Variants in ARFGAP3 observed in about 807,000 individuals in gnomAD.
The protein encoded by ARFGAP3 is ADP-ribosylation factor GTPase-activating protein 3.
In ARFGAP3, 72 loss-of-function variants were observed where a neutral mutation model predicts 75.0. The ratio of observed to expected loss-of-function variants is 0.96; its 90% CI spans 0.79 to 1.17. The LOEUF is 1.17. Ranked by LOEUF, ARFGAP3 falls within the 50% of genes most tolerant of loss-of-function variation. ARFGAP3 has a pLI of 0.00. For missense variants in ARFGAP3, 620 were observed against 626.6 expected (o/e 0.99, Z 0.11); for synonymous variants, 221 against 217.9 (o/e 1.01, Z -0.13).
At chr22:42,842,771 G>A (rs909373736) in intron 2 of ARFGAP3, among the ~76,000 whole-genome samples, 10 of 151,808 alleles carry the variant, frequency 6.6e-5, no homozygotes, top group African/African-American at 1.9e-4. Flanking sequence ...TTTCCCAGCC[G>A]CCCTTTGTTT....
chr22:42,844,597 A>T (rs894702366), intron 2 of ARFGAP3, among the ~76,000 whole-genome samples: 12 of 104,980 alleles, frequency 1.1e-4, no homozygotes, highest in East Asian at 1.1e-3. Context: ...AGGAAAAAAA[A>T]AAAAAAAAAA....
At chr22:42,849,168 A>C (rs544421887) in intron 1 of ARFGAP3, among the ~76,000 whole-genome samples, 1 of 152,348 alleles carries the variant, frequency 6.6e-6, no homozygotes, top group African/African-American at 2.4e-5. Flanking sequence ...CTGCAGCCTC[A>C]TGAAAGACCC....
At position 42,839,597 on chromosome 22, in the gene ARFGAP3, C is replaced by CAAAA. The variant is rs61512605; in HGVS notation, c.261+1343_261+1346dup. 6.9e-3 allele frequency among the ~76,000 whole-genome samples: 777 copies of CAAAA among 112,332 alleles called. 9 individuals are homozygous for CAAAA. The highest frequency in any genetic ancestry group is 0.029 in the Middle Eastern group (6 of 204). 73.7% of individuals were successfully genotyped at this position (112,332 alleles called of 152,430 possible). ...TGGGCAACAGAGCCAAACTCTGTCT[C>CAAAA]AAAAAAAAAAAAAAAAGAATGGGTT... On this transcript the variant is annotated intron_variant, in intron 3 of 15. Coordinates refer to ENST00000263245, the MANE Select transcript of ARFGAP3 (RefSeq NM_014570.5).
At chr22:42,828,008 C>T (rs1305886321) in intron 6 of ARFGAP3, among the ~76,000 whole-genome samples, 1 of 152,080 alleles carries the variant, frequency 6.6e-6, no homozygotes, top group African/African-American at 2.4e-5. Flanking sequence ...GTAGGCTGGG[C>T]TTGTGGTGGC....
chr22:42,840,914 A>G, intron 3 of ARFGAP3, 30 bp downstream of exon 3: 1 of 1,608,600 alleles, frequency 6.2e-7, no homozygotes, highest in East Asian at 2.2e-5. Flanking sequence ...TTAAACAAGA[A>G]GGAAAATGAC....
chr22:42,841,546 G>A (rs557138916), intron 2 of ARFGAP3, among the ~76,000 whole-genome samples: 4 of 152,226 alleles, frequency 2.6e-5, no homozygotes, highest in African/African-American at 7.2e-5. Flanking sequence ...CACACCTTAT[G>A]CCTAACTTCT....
chr22:42,803,517 T>C (rs900733930), intron 14 of ARFGAP3, among the ~76,000 whole-genome samples: 2 of 152,194 alleles, frequency 1.3e-5, no homozygotes, highest in African/African-American at 4.8e-5. Flanking sequence ...AGGGGGCAGC[T>C]GGGTTTTAAG....
intron 14 of ARFGAP3, among the ~76,000 whole-genome samples, chr22:42,804,214 C>T (rs2413723): frequency 0.45 from 68,118 of 150,670 alleles, 15,847 homozygotes; most frequent in Non-Finnish European, 0.48. Context: ...TTTCTTTTTT[C>T]CTTTTCTTTT....
intron 5 of ARFGAP3, among the ~76,000 whole-genome samples, chr22:42,832,249 T>C (rs923631028): frequency 6.6e-6 from 1 of 151,408 alleles, no homozygotes; most frequent in Admixed American, 6.6e-5. Flanking sequence ...AGGAATAAGC[T>C]GGGCACAGTG....
In ARFGAP3 at chr22:42,847,623, C is replaced by A; in HGVS notation, c.79G>T (p.Asp27Tyr). 6.2e-7 allele frequency: 1 copy of A among 1,610,370 alleles called. No homozygotes were observed. Among genetic ancestry groups the A allele is most frequent in the South Asian group, 1.1e-5 (1 of 90,462 alleles). ...RSVPTNKVCF[D>Y]CGAKNPSWAS... ...CAGCTGGGATTTTTGGCACCACAAT[C>A]AAAACACACCTGAAAAAAAATGTTA... Residue 27 changes from aspartate (D) to tyrosine (Y), a missense_variant, in exon 2 of 16, where the codon GAT becomes TAT. Asp to Tyr is a radical substitution (Grantham distance 160). Transcript: ENST00000263245.
intron 14 of ARFGAP3, among the ~76,000 whole-genome samples, chr22:42,800,551 T>C (rs1481049522): frequency 6.6e-6 from 1 of 152,082 alleles, no homozygotes; most frequent in Non-Finnish European, 1.5e-5. Context: ...ACAGAAAGCC[T>C]TGGTCAAGTC....
chr22:42,842,812 T>C (rs1267655406), intron 2 of ARFGAP3, among the ~76,000 whole-genome samples: 1 of 152,082 alleles, frequency 6.6e-6, no homozygotes, highest in Admixed American at 6.6e-5. Context: ...TATAAGGTCA[T>C]AAAAAGCGTT....
intron 14 of ARFGAP3, among the ~76,000 whole-genome samples, chr22:42,804,262 G>A (rs1470338565): frequency 6.6e-6 from 1 of 151,828 alleles, no homozygotes; most frequent in East Asian, 1.9e-4. Context: ...CCAGGCTGGA[G>A]TGTAATGGTG....
At chr22:42,808,555 G>A (rs1001302156) in intron 13 of ARFGAP3, among the ~76,000 whole-genome samples, 3 of 152,176 alleles carry the variant, frequency 2.0e-5, no homozygotes, top group African/African-American at 4.8e-5. Flanking sequence ...TGTGAGATAA[G>A]TCCTTGTCTT....
intron 7 of ARFGAP3, chr22:42,823,935 AT>A (rs35192684): frequency 0.031 from 5,589 of 182,502 alleles, 92 homozygotes; most frequent in African/African-American, 0.044. Context: ...GAGAAAATGT[AT>A]TTTTTTTTTT....
intron 9 of ARFGAP3, among the ~76,000 whole-genome samples, chr22:42,818,957 C>T (rs556830344): frequency 2.6e-5 from 4 of 151,660 alleles, no homozygotes; most frequent in South Asian, 4.2e-4. Flanking sequence ...GGATTACAGG[C>T]ACCTGCCACC....
intron 5 of ARFGAP3, among the ~76,000 whole-genome samples, chr22:42,832,987 T>TAAAAA (rs1555898580): frequency 7.3e-6 from 1 of 136,128 alleles, no homozygotes; most frequent in African/African-American, 2.7e-5. Context: ...ACTCCGTCTT[T>TAAAAA]AAAAAAAAAA....
At chr22:42,842,426 G>GGCTC (rs1051978562) in intron 2 of ARFGAP3, among the ~76,000 whole-genome samples, 1 of 149,938 alleles carries the variant, frequency 6.7e-6, no homozygotes, top group Non-Finnish European at 1.5e-5. Context: ...GATTACAGGT[G>GGCTC]TGAGCCACCA....
chr22:42,814,963 C>G (rs1327757371), intron 11 of ARFGAP3, among the ~76,000 whole-genome samples: 1 of 152,196 alleles, frequency 6.6e-6, no homozygotes, highest in African/African-American at 2.4e-5. Context: ...GTCCTGAATT[C>G]CTGGGCTCGA....
Sources: allele counts gnomAD v4.1 joint callset (sites outside exome capture counted in the v4.1 genomes callset), GRCh38; gene constraint gnomAD v4.1.1; transcripts MANE v1.5; gene names NCBI Gene and HGNC (gene_info 2026-07-23, HGNC 2026-07-21).